The following NUP93 variants were observed in gnomAD, a reference collection of about 807,000 sequenced individuals.
NUP93 encodes the protein nuclear pore complex protein Nup93.
In NUP93, 55 loss-of-function variants were observed where a neutral mutation model predicts 107.8. That is an observed-to-expected ratio of 0.51 (90% CI 0.41 to 0.64). NUP93 has a LOEUF of 0.64. Ranked by LOEUF, NUP93 falls within the 30% of genes least tolerant of loss-of-function variation. The pLI is 0.00. For missense variants in NUP93, 937 were observed against 1,044.7 expected (o/e 0.90, Z 1.42); for synonymous variants, 390 against 397.5 (o/e 0.98, Z 0.22).
chr16:56,754,028 C>T (rs371082861), intron 2 of NUP93, among the ~76,000 whole-genome samples: 2 of 150,574 alleles, frequency 1.3e-5, no homozygotes, highest in East Asian at 1.9e-4. Flanking sequence ...TTTCACAGGG[C>T]GTACAGGAAG....
At chr16:56,768,824 C>G (rs1249208524) in intron 3 of NUP93, among the ~76,000 whole-genome samples, 3 of 149,386 alleles carry the variant, frequency 2.0e-5, no homozygotes, top group South Asian at 2.1e-4. Flanking sequence ...CCGAGATTGC[C>G]CCACTGCACT....
chr16:56,792,743 T>G (rs1288892958), intron 3 of NUP93, among the ~76,000 whole-genome samples: 3 of 152,226 alleles, frequency 2.0e-5, no homozygotes, highest in African/African-American at 7.2e-5. Context: ...GAGCCTCAAC[T>G]TTATTGTTTG....
At chr16:56,739,649 C>T (rs1333113197) in intron 1 of NUP93, among the ~76,000 whole-genome samples, 3 of 124,892 alleles carry the variant, frequency 2.4e-5, no homozygotes, top group Non-Finnish European at 3.3e-5. Context: ...CCCTCCCGGA[C>T]GGGGCGGCTG....
Position 56,839,485 on chromosome 16 carries a change from G to A in NUP93, c.2137-36G>A, listed in dbSNP as rs761476683. 5 of 1,538,238 alleles carry A rather than the reference G, an allele frequency of 3.3e-6. No homozygotes were observed. In the Admixed American group the frequency reaches 7.4e-5, roughly 23 times the overall value. On this transcript the variant is annotated intron_variant, in intron 19 of 21. Coordinates refer to ENST00000308159, the MANE Select transcript of NUP93 (RefSeq NM_014669.5). ...GTAGAGAGATGAAATGACTGTGATG[G>A]TTGTGTTACATGGGGCCGGTGGTTG... is the stretch of plus-strand genomic sequence containing the variant.
chr16:56,819,991 G>A (rs138542818), intron 6 of NUP93, among the ~76,000 whole-genome samples: 3 of 152,044 alleles, frequency 2.0e-5, no homozygotes, highest in Non-Finnish European at 4.4e-5. Context: ...TACTCCCCCT[G>A]TGCATCTGTA....
chr16:56,788,059 C>A (rs1423385573), intron 3 of NUP93, among the ~76,000 whole-genome samples: 1 of 152,176 alleles, frequency 6.6e-6, no homozygotes, highest in African/African-American at 2.4e-5. Flanking sequence ...AAAGTTTAGC[C>A]CTAACCTTTT....
At chr16:56,768,803 C>T (rs1962265760) in intron 3 of NUP93, among the ~76,000 whole-genome samples, 1 of 149,396 alleles carries the variant, frequency 6.7e-6, no homozygotes, top group Non-Finnish European at 1.5e-5. Context: ...GGAGGTAGAG[C>T]TTGCGGTGAG....
intron 5 of NUP93, among the ~76,000 whole-genome samples, chr16:56,816,923 T>C (rs1963445116): frequency 6.6e-6 from 1 of 152,140 alleles, no homozygotes; most frequent in Admixed American, 6.5e-5. Context: ...CACTATTGGG[T>C]ACATTTATTC....
At chr16:56,819,526 T>C (rs2144605906) in intron 6 of NUP93, among the ~76,000 whole-genome samples, 1 of 152,310 alleles carries the variant, frequency 6.6e-6, no homozygotes, top group East Asian at 1.9e-4. Flanking sequence ...CCCAGATTCT[T>C]TGAGGGGGGA....
chr16:56,833,527 A>G (rs1443148509), intron 13 of NUP93, 121 bp downstream of exon 13: 4 of 766,264 alleles, frequency 5.2e-6, no homozygotes, highest in Non-Finnish European at 7.8e-6. Context: ...ATTTTAGAGC[A>G]TGTGGACAGT....
chr16:56,790,096 TCAAAACAAAACAAAA>T (rs57242557), intron 3 of NUP93, among the ~76,000 whole-genome samples: 50 of 149,322 alleles, frequency 3.3e-4, no homozygotes, highest in Admixed American at 2.7e-3. Context: ...AAACTCCATC[TCAAAACAAAACAAAA>T]CAAAACAAAA....
At chr16:56,794,584 TAGAGAG>T (rs10596725) in intron 3 of NUP93, among the ~76,000 whole-genome samples, 2,260 of 148,038 alleles carry the variant, frequency 0.015, 48 homozygotes, top group African/African-American at 0.05. Flanking sequence ...GTGTGTGTGA[TAGAGAG>T]AGAGAGAGAG....
chr16:56,844,669 C>T lies in NUP93; in HGVS notation c.*60C>T. On this transcript the variant is annotated 3_prime_UTR_variant, in exon 22 of 22. Transcript: ENST00000308159. Reference sequence around the variant, plus strand: ...TGTCAGTACATCAGGCACATGGGCCCACTAGGCTGGGGTTTCTGGTTTTGT... The same window carrying T: ...TGTCAGTACATCAGGCACATGGGCCTACTAGGCTGGGGTTTCTGGTTTTGT... 6 of 1,052,376 alleles carry T rather than the reference C, an allele frequency of 5.7e-6. No individual in the cohort carries two copies. Among genetic ancestry groups the T allele is most frequent in the Non-Finnish European group, 8.2e-6 (6 of 728,228 alleles). The allele number at this position is 1,052,376 out of a possible 1,614,324, so 65.2% of individuals were successfully genotyped here. A position where few individuals can be genotyped will look rare whatever the true frequency, so the allele number is the denominator to read the frequency against.
intron 2 of NUP93, among the ~76,000 whole-genome samples, chr16:56,754,240 G>A (rs1460375706): frequency 1.3e-5 from 2 of 152,148 alleles, no homozygotes; most frequent in Admixed American, 6.5e-5. Flanking sequence ...TCTCCCACTG[G>A]GTGCCCCCTC....
At chr16:56,800,654 G>A (rs1354880304) in intron 4 of NUP93, among the ~76,000 whole-genome samples, 1 of 152,168 alleles carries the variant, frequency 6.6e-6, no homozygotes, top group African/African-American at 2.4e-5. Flanking sequence ...GCAACTTTCT[G>A]GTATTTTTGT....
intron 20 of NUP93, among the ~76,000 whole-genome samples, chr16:56,840,530 C>A (rs1964002836): frequency 1.3e-5 from 2 of 152,132 alleles, no homozygotes; most frequent in African/African-American, 2.4e-5. Context: ...TTGCTGCAGC[C>A]CAGACCTCCC....
At chr16:56,830,896 C>T (rs1193796703) in intron 10 of NUP93, among the ~76,000 whole-genome samples, 1 of 152,160 alleles carries the variant, frequency 6.6e-6, no homozygotes, top group Non-Finnish European at 1.5e-5. Flanking sequence ...TCTAGGCATG[C>T]ATGCATCTGT....
Position 56,844,587 on chromosome 16 carries a change from A to G in NUP93, c.2438A>G (p.Gln813Arg), listed in dbSNP as rs777917068. 2 of 1,593,948 alleles carry G rather than the reference A, an allele frequency of 1.3e-6. No individual in the cohort carries two copies. Among genetic ancestry groups the G allele is most frequent in the Admixed American group, 1.7e-5 (1 of 57,198 alleles). ...GGGGACACCAATGCGAGGCTGGTGC[A>G]GATGGAGGTCCTCATGAATTAAGTG... The part of the protein sequence containing the change: ...TSGDTNARLV[Q>R]MEVLMN Residue 813 changes from glutamine (Q) to arginine (R), a missense_variant, in exon 22 of 22, where the codon CAG becomes CGG. By Grantham distance (43) the Gln-to-Arg change is conservative. Coordinates refer to ENST00000308159, the MANE Select transcript of NUP93 (RefSeq NM_014669.5).
intron 5 of NUP93, among the ~76,000 whole-genome samples, chr16:56,813,848 T>C (rs1439637447): frequency 6.6e-6 from 1 of 152,230 alleles, no homozygotes; most frequent in African/African-American, 2.4e-5. Context: ...CTAATAGTGT[T>C]CCAGCCTATG....
Sources: allele counts gnomAD v4.1 joint callset (sites outside exome capture counted in the v4.1 genomes callset), GRCh38; gene constraint gnomAD v4.1.1; transcripts MANE v1.5; gene names NCBI Gene and HGNC (gene_info 2026-07-23, HGNC 2026-07-21).